Variants in CABIN1 observed in about 807,000 individuals in gnomAD.
CABIN1 encodes calcineurin binding protein 1, also known as calcineurin-binding protein cabin-1.
A neutral mutation model predicts 227.7 loss-of-function variants in CABIN1; 133 were observed. The ratio of observed to expected loss-of-function variants is 0.58; its 90% CI spans 0.51 to 0.67. The LOEUF (loss-of-function observed/expected upper bound fraction) is 0.67, where lower values mean the gene tolerates loss of function less well. CABIN1 is among the 30% of genes least tolerant of loss of function. The probability of loss-of-function intolerance (pLI) is 0.00; values close to 1 mark genes in which losing one functional copy is unlikely to be tolerated. For synonymous variants in CABIN1, 1,086 were observed against 1,155.1 expected (o/e 0.94, Z 1.21); for missense variants, 2,408 against 2,852.5 (o/e 0.84, Z 3.55).
rs140280725 is a variant in CABIN1, at chr22:24,178,510, T to C, written c.*314T>C. 3.7e-4 allele frequency: 153 copies of C among 411,134 alleles called. No homozygotes were observed. The highest frequency in any genetic ancestry group is 1.8e-3 in the African/African-American group (88 of 49,402). The allele number at this position is 411,134 out of a possible 1,614,324, so 25.5% of individuals were successfully genotyped here. On this transcript the variant is annotated 3_prime_UTR_variant, in exon 37 of 37. Transcript: ENST00000263119. ...ATCTGCCCACACCCAGCTGGCCATATCCACCCCTCGACGCCGGGATGAGCC... is the reference window on the plus strand; with the variant it reads ...ATCTGCCCACACCCAGCTGGCCATACCCACCCCTCGACGCCGGGATGAGCC...
chr22:24,097,063 A>G (rs1413432540), intron 25 of CABIN1, among the ~76,000 whole-genome samples: 1 of 152,228 alleles, frequency 6.6e-6, no homozygotes, highest in Non-Finnish European at 1.5e-5. Context: ...ACGTCCATGC[A>G]TGGCAGGCCA....
intron 27 of CABIN1, among the ~76,000 whole-genome samples, chr22:24,115,044 G>T (rs1465157346): frequency 6.6e-6 from 1 of 152,204 alleles, no homozygotes; most frequent in African/African-American, 2.4e-5. Context: ...TAAACACACT[G>T]TAGGAAGTTT....
At chr22:24,131,747 G>C (rs2044085118) in intron 28 of CABIN1, among the ~76,000 whole-genome samples, 1 of 152,184 alleles carries the variant, frequency 6.6e-6, no homozygotes. Flanking sequence ...TCCATGGTCA[G>C]ATGTGCTCAA....
intron 29 of CABIN1, among the ~76,000 whole-genome samples, chr22:24,149,567 G>A (rs187415905): frequency 4.1e-4 from 62 of 152,330 alleles, no homozygotes; most frequent in Non-Finnish European, 7.4e-4. Context: ...GTAGGAATTT[G>A]ATTTATTCAA....
chr22:24,027,191 C>T (rs978482563), intron 1 of CABIN1, among the ~76,000 whole-genome samples: 1 of 151,806 alleles, frequency 6.6e-6, no homozygotes, highest in Non-Finnish European at 1.5e-5. Flanking sequence ...GCTAGTATGC[C>T]GAAATACAGT....
Position 24,134,320 on chromosome 22 carries a change from G to C in CABIN1, c.4651G>C (p.Asp1551His), listed in dbSNP as rs751935331. The change falls in exon 29 of 37, where the codon GAC (aspartate) becomes CAC (histidine). Residue 1551 changes from aspartate (D) to histidine (H), a missense_variant. Physicochemically the swap from Asp to His is moderately conservative, Grantham distance 81. Transcript: ENST00000263119. ...TCCCCAGAACCTCCAGTGGGCCCGC[G>C]ACGTGTTGCTAGGCAGCAGTATCCC... is the stretch of plus-strand genomic sequence containing the variant. ...KTHRNLQWARDVLLGSSIPWQ... is the reference protein window; with the variant it reads ...KTHRNLQWARHVLLGSSIPWQ... The C allele has an allele frequency of 3.1e-6, 5 of 1,614,014 alleles. No individual in the cohort carries two copies. The highest frequency in any genetic ancestry group is 4.2e-6 in the Non-Finnish European group (5 of 1,179,944).
At chr22:24,101,525 C>T (rs1196558739) in intron 26 of CABIN1, among the ~76,000 whole-genome samples, 13 of 152,202 alleles carry the variant, frequency 8.5e-5, no homozygotes, top group Non-Finnish European at 1.8e-4. Flanking sequence ...CACGGAACAG[C>T]CAGGAGGGCA....
At chr22:24,104,254 G>A (rs144007795) in intron 26 of CABIN1, among the ~76,000 whole-genome samples, 67 of 152,308 alleles carry the variant, frequency 4.4e-4, no homozygotes, top group Non-Finnish European at 6.3e-4. Context: ...GGGGATGCCA[G>A]CCTCACACCT....
At chr22:24,083,420 GGGAAGCAGGAGCT>G (rs2040942363) in intron 20 of CABIN1, 31 bp downstream of exon 20, 1 of 1,612,748 alleles carries the variant, frequency 6.2e-7, no homozygotes, top group Non-Finnish European at 8.5e-7. Context: ...CCAACAAAGA[GGGAAGCAGGAGCT>G]GTAAGCTCTT....
intron 15 of CABIN1, among the ~76,000 whole-genome samples, chr22:24,064,512 G>GTTTTTTTTTTTTTTTTTTTTTTTTTT (rs782268156): frequency 9.4e-6 from 1 of 106,900 alleles, no homozygotes; most frequent in Non-Finnish European, 1.8e-5. Flanking sequence ...CAGCTGAAAG[G>GTTTTTTTTTTTTTTTTTTTTTTTTTT]TTTTTTTTTT....
In CABIN1 at chr22:24,177,785, A is replaced by G. The variant is rs1192743472; in HGVS notation, c.6487A>G (p.Ser2163Gly). The G allele has an allele frequency of 1.2e-6, 2 of 1,608,552 alleles. No homozygotes were observed. Among genetic ancestry groups the G allele is most frequent in the Admixed American group, 1.7e-5 (1 of 59,756 alleles). The change falls in exon 36 of 37, where the codon AGC becomes GGC. Residue 2163 changes from serine to glycine, a missense_variant. Physicochemically the swap from Ser to Gly is moderately conservative, Grantham distance 56. Coordinates refer to ENST00000263119, the MANE Select transcript of CABIN1 (RefSeq NM_012295.4). This position sits in a 1 kb window ranked among gnomAD's most constrained non-coding sequence, Gnocchi z 4.4. Reference sequence around the variant, plus strand: ...CCCAACCCTGCTCTCCCCCAAAGGCAGCATCTCGGAGGAGACCAAGCAGAA... The same window carrying G: ...CCCAACCCTGCTCTCCCCCAAAGGCGGCATCTCGGAGGAGACCAAGCAGAA... ...PTPTLLSPKG[S>G]ISEETKQKLK...
intron 24 of CABIN1, 81 bp downstream of exon 24, chr22:24,091,924 G>T (rs2041570016): frequency 1.9e-6 from 3 of 1,565,224 alleles, no homozygotes; most frequent in Non-Finnish European, 2.6e-6. Flanking sequence ...GTGGCTCAAG[G>T]TTCCAGTGAC....
chr22:24,031,948 T>C (rs1027458721), intron 1 of CABIN1, among the ~76,000 whole-genome samples: 2 of 152,242 alleles, frequency 1.3e-5, no homozygotes, highest in Non-Finnish European at 2.9e-5. Flanking sequence ...GAAACTATTC[T>C]ATTGATTGTT....
At chr22:24,158,957 A>C (rs2045993669) in intron 29 of CABIN1, among the ~76,000 whole-genome samples, 1 of 152,122 alleles carries the variant, frequency 6.6e-6, no homozygotes, top group Non-Finnish European at 1.5e-5. Context: ...GGGCAAAGGG[A>C]TGTGGAGGCC....
At chr22:24,105,627 C>T (rs1248764121) in intron 26 of CABIN1, among the ~76,000 whole-genome samples, 2 of 152,060 alleles carry the variant, frequency 1.3e-5, no homozygotes, top group Non-Finnish European at 2.9e-5. Context: ...ATCCAGGGTG[C>T]CTGTTTCCCT....
chr22:24,110,177 T>G (rs1461365557), intron 26 of CABIN1, among the ~76,000 whole-genome samples: 3 of 152,152 alleles, frequency 2.0e-5, no homozygotes, highest in Non-Finnish European at 4.4e-5. Flanking sequence ...CAAAAAAAAT[T>G]TTTTTTAAGT....
intron 6 of CABIN1, 152 bp from the exon 7 acceptor site, chr22:24,048,939 C>G: frequency 1.1e-6 from 1 of 894,614 alleles, no homozygotes; most frequent in Non-Finnish European, 1.8e-6. Flanking sequence ...GGTCTTATTA[C>G]TAACCTGACT....
chr22:24,054,974 AC>A lies in CABIN1; in HGVS notation c.910del (p.Gln304ArgfsTer13). ...GGCAAAAGGATTGATTTGTCGGACT[AC>A]CAGGACCCCAGCCAGCCTCTTGAGT... ...SLGKRIDLSD[Y>X]QDPSQPLESS... is the part of the protein sequence containing the mutation. On this transcript the variant is annotated frameshift_variant, in exon 9 of 37. Transcript: ENST00000263119. LOFTEE classifies it high-confidence loss of function. 1 of 1,614,180 alleles carries A rather than the reference AC, an allele frequency of 6.2e-7. No homozygotes were observed.
At chr22:24,098,938 A>G (rs1047809025) in intron 26 of CABIN1, among the ~76,000 whole-genome samples, 3 of 152,088 alleles carry the variant, frequency 2.0e-5, no homozygotes, top group Non-Finnish European at 4.4e-5. Flanking sequence ...CCTCACTCCT[A>G]TGTCACTCAT....
Sources: gnomAD v4.1 joint callset for allele counts (sites outside exome capture counted in the v4.1 genomes callset) on GRCh38, gnomAD v4.1.1 for gene constraint, Gnocchi (gnomAD v3.1) non-coding constraint, MANE v1.5 for transcripts, NCBI Gene and HGNC (gene_info 2026-07-23, HGNC 2026-07-21) for gene names.